The following PPP1R13B variants were observed in gnomAD, a reference collection of about 807,000 sequenced individuals.
The protein encoded by PPP1R13B is protein phosphatase 1 regulatory subunit 13B.
A neutral mutation model predicts 119.8 loss-of-function variants in PPP1R13B; 44 were observed. The observed-to-expected ratio is 0.37, with a 90% CI of 0.29 to 0.47. The LOEUF (loss-of-function observed/expected upper bound fraction) is 0.47. Ranked by LOEUF, PPP1R13B falls within the 20% of genes least tolerant of loss-of-function variation. PPP1R13B has a pLI of 0.99. For missense variants in PPP1R13B, 1,227 were observed against 1,413.5 expected (o/e 0.87, Z 2.12); for synonymous variants, 542 against 561.5 (o/e 0.97, Z 0.49).
At chr14:103,762,922 T>C in intron 4 of PPP1R13B, 2 of 945,654 alleles carry the variant, frequency 2.1e-6, no homozygotes, top group Non-Finnish European at 3.4e-6. Context: ...CAAACAGCCT[T>C]GTTGCTGTCC....
intron 1 of PPP1R13B, among the ~76,000 whole-genome samples, chr14:103,805,918 G>C: frequency 6.6e-6 from 1 of 152,220 alleles, no homozygotes; most frequent in Non-Finnish European, 1.5e-5. Context: ...GTTTTGGTAT[G>C]ACAGTAATGT....
chr14:103,812,562 G>A (rs2086185201), intron 1 of PPP1R13B, among the ~76,000 whole-genome samples: 1 of 151,812 alleles, frequency 6.6e-6, no homozygotes. Context: ...GGGGATTGGG[G>A]TGCCTGCCAT....
In PPP1R13B at chr14:103,740,648, T is replaced by C. The variant is rs4457936; in HGVS notation, c.1823-55A>G. On this transcript the variant is annotated intron_variant, in intron 11 of 16. Coordinates refer to ENST00000202556, the MANE Select transcript of PPP1R13B (RefSeq NM_015316.3). This position sits in a 1 kb window ranked among gnomAD's most constrained non-coding sequence, Gnocchi z 4.6. ...TGACCTCACTACAGAGATCTAGTCA[T>C]ACACACCTATGATTACACCAGAGAC... 1.1e-5 allele frequency: 15 copies of C among 1,394,632 alleles called. No homozygotes were observed. In the African/African-American group the frequency reaches 1.3e-4, roughly 12 times the overall value. The allele number at this position is 1,394,632 out of a possible 1,614,324, so 86.4% of individuals were successfully genotyped here. A position where few individuals can be genotyped will look rare whatever the true frequency, so the allele number is the denominator to read the frequency against.
At chr14:103,804,991 C>T (rs2085983355) in intron 1 of PPP1R13B, among the ~76,000 whole-genome samples, 1 of 152,150 alleles carries the variant, frequency 6.6e-6, no homozygotes, top group African/African-American at 2.4e-5. Flanking sequence ...CGCACGCTAT[C>T]ACGCCTGGCT....
Position 103,740,639 on chromosome 14 carries a change from A to T in PPP1R13B, c.1823-46T>A, listed in dbSNP as rs1350693633. On this transcript the variant is annotated intron_variant, in intron 11 of 16. Transcript: ENST00000202556. The surrounding 1 kb of genome is among the most constrained non-coding windows in gnomAD (Gnocchi z 4.6). ...AGGCAATTTTGACCTCACTACAGAG[A>T]TCTAGTCATACACACCTATGATTAC... 1 of 1,437,554 alleles carries T rather than the reference A, an allele frequency of 7.0e-7. No homozygotes were observed. Among genetic ancestry groups the T allele is most frequent in the African/African-American group, 1.4e-5 (1 of 70,606 alleles). The allele number at this position is 1,437,554 out of a possible 1,614,324, so 89.0% of individuals were successfully genotyped here. A position where few individuals can be genotyped will look rare whatever the true frequency, so the allele number is the denominator to read the frequency against.
chr14:103,795,717 A>G (rs1334931687), intron 2 of PPP1R13B, among the ~76,000 whole-genome samples: 1 of 152,210 alleles, frequency 6.6e-6, no homozygotes, highest in Admixed American at 6.5e-5. Context: ...GCTCCCCTTA[A>G]AAACGTTAAT....
intron 4 of PPP1R13B, among the ~76,000 whole-genome samples, chr14:103,774,662 T>C (rs1414576814): frequency 6.6e-6 from 1 of 152,078 alleles, no homozygotes; most frequent in African/African-American, 2.4e-5. Context: ...CCCCCTTTCT[T>C]CACAGCTCTC....
chr14:103,748,535 G>C (rs1044990240), intron 8 of PPP1R13B, among the ~76,000 whole-genome samples: 3 of 152,216 alleles, frequency 2.0e-5, no homozygotes, highest in Non-Finnish European at 2.9e-5. Flanking sequence ...GATGTGGGAA[G>C]GGAGTCCTTG....
At chr14:103,752,484 CTGAAT>C (rs752611706) in intron 7 of PPP1R13B, among the ~76,000 whole-genome samples, 1 of 150,510 alleles carries the variant, frequency 6.6e-6, no homozygotes, top group Non-Finnish European at 1.5e-5. Context: ...ACTGAAGCCA[CTGAAT>C]TGTATCCTTG....
At position 103,740,358 on chromosome 14, in the gene PPP1R13B, C is replaced by G; in HGVS notation, c.2058G>C (p.Gln686His). Reference protein sequence around the residue: ...TPIVHSPLRYQSDADLEALRR... With the variant: ...TPIVHSPLRYHSDADLEALRR... ...GGAGGGCCTCCAGGTCTGCATCACT[C>G]TGGTAGCGCAGTGGCGAATGCACGA... is the stretch of plus-strand genomic sequence containing the variant. Residue 686 changes from glutamine to histidine, a missense_variant, in exon 12 of 17, where the codon CAG (glutamine) becomes CAC (histidine). Gln to His is a conservative substitution (Grantham distance 24). Coordinates refer to ENST00000202556, the MANE Select transcript of PPP1R13B (RefSeq NM_015316.3). This position sits in a 1 kb window ranked among gnomAD's most constrained non-coding sequence, Gnocchi z 4.6. 6.4e-7 allele frequency: 1 copy of G among 1,565,222 alleles called. No individual in the cohort carries two copies.
chr14:103,815,442 C>T (rs1202768536), intron 1 of PPP1R13B, among the ~76,000 whole-genome samples: 1 of 152,038 alleles, frequency 6.6e-6, no homozygotes, highest in Admixed American at 6.6e-5. Flanking sequence ...AATTATGTAC[C>T]AATAAAGCTG....
intron 1 of PPP1R13B, among the ~76,000 whole-genome samples, chr14:103,839,035 CA>C (rs1162203631): frequency 6.6e-6 from 1 of 152,114 alleles, no homozygotes; most frequent in East Asian, 1.9e-4. Flanking sequence ...CTTGCTTTGT[CA>C]CCCAGGCTGG....
At position 103,768,393 on chromosome 14, in the gene PPP1R13B, T is replaced by G. The variant is rs192350639; in HGVS notation, c.354+10352A>C. Among the ~76,000 whole-genome samples, 318 of 152,280 alleles carry G rather than the reference T, an allele frequency of 2.1e-3. 2 individuals carry two copies. Among genetic ancestry groups the G allele is most frequent in the African/African-American group, 6.8e-3 (281 of 41,562 alleles). On this transcript the variant is annotated intron_variant, in intron 4 of 16. Transcript: ENST00000202556. ...CTCACTGCAACCTCCGCCTCCCAGG[T>G]TCAAGCAATTCCCCTGCCTCAGCCT...
At chr14:103,741,677 A>T in intron 11 of PPP1R13B, 113 bp downstream of exon 11, 1 of 1,319,600 alleles carries the variant, frequency 7.6e-7, no homozygotes, top group Non-Finnish European at 1.0e-6. Flanking sequence ...TGTAAGAATT[A>T]AGTTTAATCC....
At chr14:103,774,841 A>G (rs2085150501) in intron 4 of PPP1R13B, among the ~76,000 whole-genome samples, 1 of 152,248 alleles carries the variant, frequency 6.6e-6, no homozygotes, top group Non-Finnish European at 1.5e-5. Context: ...AAGGTAACGT[A>G]TTATTAAGCT....
intron 1 of PPP1R13B, among the ~76,000 whole-genome samples, chr14:103,835,821 G>C (rs1405344696): frequency 1.3e-5 from 2 of 151,648 alleles, no homozygotes; most frequent in Non-Finnish European, 2.9e-5. Context: ...GTGTTAGCCA[G>C]GATGGTCTCG....
At position 103,829,419 on chromosome 14, in the gene PPP1R13B, A is replaced by T. The variant is rs114745653; in HGVS notation, c.9+17880T>A. Among the ~76,000 whole-genome samples the T allele has an allele frequency of 2.7e-3, 404 of 152,214 alleles. 4 individuals are homozygous for T. The highest frequency in any genetic ancestry group is 0.022 in the East Asian group (112 of 5,174). On this transcript the variant is annotated intron_variant, in intron 1 of 16. Transcript: ENST00000202556. ...TGAATCAAAATAATTTAATGTTTTT[A>T]AAAAAAATTTTTTTTTAATACAGAC...
At chr14:103,817,236 G>A (rs932048642) in intron 1 of PPP1R13B, among the ~76,000 whole-genome samples, 2 of 152,148 alleles carry the variant, frequency 1.3e-5, no homozygotes, top group African/African-American at 4.8e-5. Context: ...AAACAAGACA[G>A]ACCACCGTTG....
At chr14:103,763,114 T>A (rs2084849672) in intron 4 of PPP1R13B, 1 of 743,080 alleles carries the variant, frequency 1.3e-6, no homozygotes, top group Non-Finnish European at 2.3e-6. Context: ...TGCAGCAGCT[T>A]TTCCCGCAGC....
Sources: allele counts gnomAD v4.1 joint callset (sites outside exome capture counted in the v4.1 genomes callset), GRCh38; gene constraint gnomAD v4.1.1; non-coding constraint Gnocchi (gnomAD v3.1); transcripts MANE v1.5; gene names NCBI Gene and HGNC (gene_info 2026-07-23, HGNC 2026-07-21).